MINDY1: variants seen among roughly 807,000 people sequenced by gnomAD.
MINDY1 encodes the protein MINDY lysine 48 deubiquitinase 1.
MINDY1 carries 50 observed loss-of-function variants against 53.6 expected under a neutral mutation model. That is an observed-to-expected ratio of 0.93 (90% confidence interval 0.74 to 1.18). The LOEUF is 1.18. Ranked by LOEUF, MINDY1 falls within the 50% of genes most tolerant of loss-of-function variation. The pLI is 0.00. For missense variants in MINDY1, 484 were observed against 578.6 expected, an observed-to-expected ratio of 0.84 and a Z score of 1.68; for synonymous variants, 231 against 234.7, an observed-to-expected ratio of 0.98 and a Z score of 0.14.
Position 150,998,086 on chromosome 1 carries a change from T to C in MINDY1, c.1169A>G (p.Asp390Gly), listed in dbSNP as rs1322443256. The C allele has an allele frequency of 1.2e-6, 2 of 1,610,196 alleles. No individual in the cohort carries two copies. Among genetic ancestry groups the C allele is most frequent in the Non-Finnish European group, 1.7e-6 (2 of 1,178,980 alleles). Residue 390 changes from aspartate to glycine, a missense_variant, in exon 8 of 10, where the codon GAC becomes GGC. Transcript: ENST00000683666. ...TTTCCTAAGTGCCCTACACACCTGG[T>C]CTACCTGCAGCTGCGTTTCTGGGGA... ...SGSPETQLQV[D>G]QDYLIALSLQ... is the part of the protein sequence containing the mutation.
Position 151,001,307 on chromosome 1 carries a change from G to A in MINDY1, c.519C>T (p.Cys173=). Residue 173 remains cysteine, a synonymous_variant, in exon 4 of 10, where the codon TGC becomes TGT. Transcript: ENST00000683666. ...SDELMAHLGN[C]LLSIKPQEKS... Reference sequence around the variant, plus strand: ...TCTCCTGGGGCTTGATGGACAGGAGGCAGTTTCCTACAAGACAGGGCCCCT... The same window carrying A: ...TCTCCTGGGGCTTGATGGACAGGAGACAGTTTCCTACAAGACAGGGCCCCT... 1.9e-6 allele frequency: 3 copies of A among 1,614,142 alleles called. No homozygotes were observed. Among genetic ancestry groups the A allele is most frequent in the Non-Finnish European group, 2.5e-6 (3 of 1,180,008 alleles).
intron 1 of MINDY1, among the ~76,000 whole-genome samples, chr1:151,004,513 T>C (rs1256835202): frequency 6.6e-6 from 1 of 151,946 alleles, no homozygotes. Context: ...GCAGATTACT[T>C]GAGGTCAGGA....
rs755855761 is a variant in MINDY1, at chr1:150,999,527, G to A, written c.839-16C>T. The stretch of plus-strand genomic sequence containing the variant: ...GCAATCAGGCCTGCCAGAAAGGGAC[G>A]AGTCGGGGGAAACTTGGCTTAAATT... On this transcript the variant is annotated splice_polypyrimidine_tract_variant and intron_variant, in intron 6 of 9. Transcript: ENST00000683666. This position sits in a 1 kb window ranked among gnomAD's most constrained non-coding sequence, Gnocchi z 4.4. 4.3e-6 allele frequency: 7 copies of A among 1,613,038 alleles called. No individual in the cohort carries two copies. The highest frequency in any genetic ancestry group is 1.7e-5 in the Admixed American group (1 of 59,986).
rs1431568059 is a variant in MINDY1 at position 150,999,053 on chromosome 1, CAT to C, written c.981+314_981+315del. ...GGCCAGAAGATGTGAGCAGAAATGA[CAT>C]GTGTCATTTCCAAACAGAAGCTCTA... On this transcript the variant is annotated intron_variant, in intron 7 of 9. Transcript: ENST00000683666. The surrounding 1 kb of genome is among the most constrained non-coding windows in gnomAD (Gnocchi z 4.4). Among the ~76,000 whole-genome samples the C allele has an allele frequency of 6.6e-6, 1 of 152,150 alleles. No homozygotes were observed. Among genetic ancestry groups the C allele is most frequent in the African/African-American group, 2.4e-5 (1 of 41,436 alleles).
In MINDY1 at chr1:151,000,676, C is replaced by T; in HGVS notation, c.577-61G>A. ...CTTCTCTCCCACCACTCCACTCCCA[C>T]CTGCAGAAATTAAAAATTAACCTTG... is the stretch of plus-strand genomic sequence containing the variant. On this transcript the variant is annotated intron_variant, in intron 4 of 9. Coordinates refer to ENST00000683666, the MANE Select transcript of MINDY1 (RefSeq NM_001376665.1). 2.0e-6 allele frequency: 3 copies of T among 1,526,212 alleles called. No individual in the cohort carries two copies. In the African/African-American group the frequency reaches 4.2e-5, roughly 21 times the overall value. The allele number at this position is 1,526,212 out of a possible 1,614,324, so 94.5% of individuals were successfully genotyped here.
At position 151,000,586 on chromosome 1, in the gene MINDY1, A is replaced by C. The variant is rs2102840686; in HGVS notation, c.606T>G (p.Pro202=). The C allele has an allele frequency of 1.2e-6, 2 of 1,613,280 alleles. No homozygotes were observed. The highest frequency in any genetic ancestry group is 3.3e-4 in the Middle Eastern group (2 of 6,048). Residue 202 remains proline, a synonymous_variant, in exon 5 of 10, where the codon CCT becomes CCG. Transcript: ENST00000683666. ...QNVDDAMTVL[P]KLATGLDVNV... ...TGACATCCAGACCTGTGGCCAGTTT[A>C]GGCAGCACTGTCATTGCATCATCCA...
rs1213036792 is a variant in MINDY1, at chr1:151,006,387, A to C, written c.-165T>G. ...GCAATGAGATGGGGGAGATAGGTGC[A>C]ATGAAGGGGGCTGCCAGTGCCAGCT... On this transcript the variant is annotated 5_prime_UTR_variant, in exon 1 of 10. In the 5' UTR this introduces an upstream ATG that the reference lacks. Transcript: ENST00000683666. 7.3e-7 allele frequency: 1 copy of C among 1,364,160 alleles called. No homozygotes were observed. The highest frequency in any genetic ancestry group is 1.5e-5 in the African/African-American group (1 of 67,984). 84.5% of individuals were successfully genotyped at this position (1,364,160 alleles called of 1,614,324 possible). A position where few individuals can be genotyped will look rare whatever the true frequency, so the allele number is the denominator to read the frequency against.
chr1:150,999,626 C>G lies in MINDY1; in HGVS notation c.839-115G>C, dbSNP rs971199510. ...CCGGGGGGTCAGTCCCACCTTCTGA[C>G]GTCCCTTTCTTGAAACCTGGCTGTA... On this transcript the variant is annotated intron_variant, in intron 6 of 9. Coordinates refer to ENST00000683666, the MANE Select transcript of MINDY1 (RefSeq NM_001376665.1). This position sits in a 1 kb window ranked among gnomAD's most constrained non-coding sequence, Gnocchi z 4.4. 7.3e-7 allele frequency: 1 copy of G among 1,378,328 alleles called. No homozygotes were observed. Among genetic ancestry groups the G allele is most frequent in the African/African-American group, 1.4e-5 (1 of 69,462 alleles). 85.4% of individuals were successfully genotyped at this position (1,378,328 alleles called of 1,614,324 possible).
rs2102875684 is a variant in MINDY1, at chr1:151,006,636, A to G, written c.-414T>C. 1 of 987,080 alleles carries G rather than the reference A, an allele frequency of 1.0e-6. No homozygotes were observed. The highest frequency in any genetic ancestry group is 4.7e-5 in the South Asian group (1 of 21,386). The allele number at this position is 987,080 out of a possible 1,614,324, so 61.1% of individuals were successfully genotyped here. On this transcript the variant is annotated 5_prime_UTR_variant, in exon 1 of 10. Transcript: ENST00000683666. ...GCATGCGCTCCGGGCCCTGACTACA[A>G]GCTGGTTTTCAAAGGAAGTTTGTGG... is the stretch of plus-strand genomic sequence containing the variant.
Position 150,997,736 on chromosome 1 carries a change from C to G in MINDY1, c.1217G>C (p.Gly406Ala). 6.2e-7 allele frequency: 1 copy of G among 1,613,930 alleles called. No homozygotes were observed. The highest frequency in any genetic ancestry group is 8.5e-7 in the Non-Finnish European group (1 of 1,180,000). ...CTCCAAGTCGGTAAGCCCCAGCGGG[C>G]CTCGTGGCTGTTGCTGCTGCAGGGA... ...ALSLQQQQPR[G>A]PLGLTDLELA... Residue 406 changes from glycine (G) to alanine (A), a missense_variant, in exon 9 of 10, where the codon GGC (glycine) becomes GCC (alanine). Coordinates refer to ENST00000683666, the MANE Select transcript of MINDY1 (RefSeq NM_001376665.1).
intron 4 of MINDY1, 136 bp from the exon 5 acceptor site, chr1:151,000,751 C>T (rs587655962): frequency 1.1e-6 from 1 of 874,560 alleles, no homozygotes; most frequent in East Asian, 2.5e-5. Context: ...TCTCCCTTGC[C>T]TCAACCCTTC....
rs963179988 is a variant in MINDY1 at position 150,998,694 on chromosome 1, G to T, written c.982-421C>A. Among the ~76,000 whole-genome samples, 3 of 152,176 alleles carry T rather than the reference G, an allele frequency of 2.0e-5. No homozygotes were observed. The East Asian group carries it at 5.8e-4, about 29-fold the overall frequency. ...ACCTTTTACAAATATGTGTGGCCTT[G>T]GGGGGAAGAAAGGGATGTCTGAGTG... On this transcript the variant is annotated intron_variant, in intron 7 of 9. Transcript: ENST00000683666.
chr1:151,001,280 C>T lies in MINDY1; in HGVS notation c.546G>A (p.Lys182=), dbSNP rs1226815922. 1.2e-6 allele frequency: 2 copies of T among 1,614,214 alleles called. No individual in the cohort carries two copies. Among genetic ancestry groups the T allele is most frequent in the East Asian group, 2.2e-5 (1 of 44,882 alleles). ...GAAAATTAAGCTGAAGTCCCTCTGA[C>T]TTCTCCTGGGGCTTGATGGACAGGA... ...NCLLSIKPQE[K]SEGLQLNFQQ... The change falls in exon 4 of 10, where the codon AAG becomes AAA. Residue 182 remains lysine, a synonymous_variant. Coordinates refer to ENST00000683666, the MANE Select transcript of MINDY1 (RefSeq NM_001376665.1).
chr1:151,005,773 TAAATC>T lies in MINDY1; in HGVS notation c.-90+534_-90+538del, dbSNP rs146092600. Reference sequence around the variant, plus strand: ...AAGAATGAGGGAGAGGATAGTCAGATAAATCAAAGTTTCATTCTTTTCCTCCTCTT... The same window carrying T: ...AAGAATGAGGGAGAGGATAGTCAGATAAAGTTTCATTCTTTTCCTCCTCTT... On this transcript the variant is annotated intron_variant, in intron 1 of 9. Coordinates refer to ENST00000683666, the MANE Select transcript of MINDY1 (RefSeq NM_001376665.1). Among the ~76,000 whole-genome samples, 1,331 of 152,312 alleles carry T rather than the reference TAAATC, an allele frequency of 8.7e-3. 9 individuals are homozygous for T. The highest frequency in any genetic ancestry group is 0.012 in the Non-Finnish European group (842 of 68,020).
upstream of MINDY1, chr1:151,006,967 C>A: frequency 4.5e-6 from 4 of 891,352 alleles, no homozygotes; most frequent in Non-Finnish European, 5.4e-6. Flanking sequence ...ACAGAAGCAG[C>A]TTGTTGGATC....
chr1:151,006,501 C>T lies in MINDY1; in HGVS notation c.-279G>A, dbSNP rs966197921. On this transcript the variant is annotated 5_prime_UTR_variant, in exon 1 of 10. Transcript: ENST00000683666. ...GCTGGGTTGTGGCCACTTCCGGACT[C>T]ACGCCCAGTACTGGGGGCACTGGAG... 9.5e-7 allele frequency: 1 copy of T among 1,048,950 alleles called. No individual in the cohort carries two copies. Among genetic ancestry groups the T allele is most frequent in the African/African-American group, 1.7e-5 (1 of 59,488 alleles). The allele number at this position is 1,048,950 out of a possible 1,614,324, so 65.0% of individuals were successfully genotyped here.
chr1:150,997,996 A>G, intron 8 of MINDY1, 86 bp downstream of exon 8: 1 of 1,399,856 alleles, frequency 7.1e-7, no homozygotes, highest in Non-Finnish European at 9.7e-7. Flanking sequence ...ATGGGTTCAC[A>G]TGGCCTCTAG....
chr1:150,997,750 C>T lies in MINDY1; in HGVS notation c.1203G>A (p.Gln401=), dbSNP rs1672007462. Residue 401 remains glutamine, a synonymous_variant, in exon 9 of 10, where the codon CAG becomes CAA. Transcript: ENST00000683666. Reference sequence around the variant, plus strand: ...GCCCCAGCGGGCCTCGTGGCTGTTGCTGCTGCAGGGACAGAGCAATCAGGT... The same window carrying T: ...GCCCCAGCGGGCCTCGTGGCTGTTGTTGCTGCAGGGACAGAGCAATCAGGT... ...QDYLIALSLQ[Q]QQPRGPLGLT... The T allele has an allele frequency of 6.2e-7, 1 of 1,613,596 alleles. No homozygotes were observed. The highest frequency in any genetic ancestry group is 1.7e-5 in the Admixed American group (1 of 59,998).
chr1:150,998,309 G>A, intron 7 of MINDY1, 36 bp from the exon 8 acceptor site: 1 of 1,569,000 alleles, frequency 6.4e-7, no homozygotes, highest in East Asian at 2.3e-5. Flanking sequence ...TGGGGGGACA[G>A]TTGATACGGA....
Sources: allele counts gnomAD v4.1 joint callset (sites outside exome capture counted in the v4.1 genomes callset), GRCh38; gene constraint gnomAD v4.1.1; non-coding constraint Gnocchi (gnomAD v3.1); transcripts MANE v1.5; gene names NCBI Gene and HGNC (gene_info 2026-07-23, HGNC 2026-07-21).